ZBBX: variants seen among roughly 807,000 people sequenced by gnomAD.
ZBBX encodes the protein zinc finger B-box domain containing.
In ZBBX, 101 loss-of-function variants were observed where a neutral mutation model predicts 108.5. That is an observed-to-expected ratio of 0.93 (90% CI 0.79 to 1.10). The LOEUF is 1.10. Ranked by LOEUF, ZBBX falls within the 50% of genes least tolerant of loss-of-function variation. The pLI is 0.00. For missense variants in ZBBX, 1,009 were observed against 941.4 expected (o/e 1.07, Z -0.94); for synonymous variants, 356 against 323.4 (o/e 1.10, Z -1.08).
rs193219261 is a variant in ZBBX at position 167,355,613 on chromosome 3, A to G, written c.432+4257T>C. ...ATATACACATATGTGGCTTTCAAATATATATATTCACTCATTATCCAGTCA... is the reference window on the plus strand; with the variant it reads ...ATATACACATATGTGGCTTTCAAATGTATATATTCACTCATTATCCAGTCA... On this transcript the variant is annotated intron_variant, in intron 8 of 21. Coordinates refer to ENST00000675490, the MANE Select transcript of ZBBX (RefSeq NM_001199201.2). 4.1e-3 allele frequency among the ~76,000 whole-genome samples: 626 copies of G among 151,928 alleles called. 3 individuals carry two copies. Among genetic ancestry groups the G allele is most frequent in the Non-Finnish European group, 6.2e-3 (418 of 67,846 alleles).
At chr3:167,315,863 T>C in intron 14 of ZBBX, 34 bp from the exon 15 acceptor site, 2 of 1,373,130 alleles carry the variant, frequency 1.5e-6, no homozygotes, top group Non-Finnish European at 2.0e-6. Flanking sequence ...TATTAGTAAG[T>C]TCATAAAAAT....
intron 19 of ZBBX, among the ~76,000 whole-genome samples, chr3:167,282,846 CAT>C: frequency 6.6e-6 from 1 of 152,250 alleles, no homozygotes; most frequent in East Asian, 1.9e-4. Flanking sequence ...AGCACCACGA[CAT>C]GTGTCTTAAA....
In ZBBX at chr3:167,323,241, G is replaced by C. The variant is rs867953936; in HGVS notation, c.863-1004C>G. The stretch of plus-strand genomic sequence containing the variant: ...TTCTTGACAGGAGAGCTAAAAGAGG[G>C]GGGGGGGGGAAAGAACTCTTTTGTT... On this transcript the variant is annotated intron_variant, in intron 11 of 21. Transcript: ENST00000675490. 3.2e-3 allele frequency among the ~76,000 whole-genome samples: 440 copies of C among 139,330 alleles called. 5 individuals carry two copies. Among genetic ancestry groups the C allele is most frequent in the African/African-American group, 0.012 (397 of 34,356 alleles). The allele number at this position is 139,330 out of a possible 152,430, so 91.4% of individuals were successfully genotyped here.
chr3:167,311,982 T>C (rs957228448), intron 16 of ZBBX, among the ~76,000 whole-genome samples: 2 of 152,198 alleles, frequency 1.3e-5, no homozygotes, highest in Non-Finnish European at 2.9e-5. Context: ...AACCCATACA[T>C]GAATATTTAT....
intron 8 of ZBBX, among the ~76,000 whole-genome samples, chr3:167,352,576 C>T (rs949143230): frequency 1.3e-5 from 2 of 151,864 alleles, no homozygotes; most frequent in Non-Finnish European, 2.9e-5. Flanking sequence ...ATACCAATAC[C>T]ACTGAAACTA....
In ZBBX at chr3:167,288,906, C is replaced by T; in HGVS notation, c.1957G>A (p.Ala653Thr). ...NAIVLGVLQG[A>T]QSPSSSRKQQ... ...TTTCTACTTGATGATGGACTCTGAG[C>T]ACCCTGCAGAACACCCAAGACAATT... Residue 653 changes from alanine (A) to threonine (T), a missense_variant, in exon 19 of 22, where the codon GCT becomes ACT. Physicochemically the swap from Ala to Thr is moderately conservative, Grantham distance 58. Transcript: ENST00000675490. 6.5e-7 allele frequency: 1 copy of T among 1,540,768 alleles called. No homozygotes were observed. The highest frequency in any genetic ancestry group is 8.8e-7 in the Non-Finnish European group (1 of 1,140,362).
intron 20 of ZBBX, among the ~76,000 whole-genome samples, chr3:167,267,145 G>C (rs188232936): frequency 6.6e-6 from 1 of 152,192 alleles, no homozygotes; most frequent in Non-Finnish European, 1.5e-5. Flanking sequence ...TCCAATCTGC[G>C]GTTCCACGGT....
chr3:167,284,289 T>C (rs1234762679), intron 19 of ZBBX, among the ~76,000 whole-genome samples: 5 of 151,882 alleles, frequency 3.3e-5, no homozygotes, highest in African/African-American at 1.2e-4. Context: ...ACCATATTTA[T>C]AGCAATCAAG....
At chr3:167,295,835 A>T (rs1464771120) in intron 18 of ZBBX, among the ~76,000 whole-genome samples, 1 of 147,226 alleles carries the variant, frequency 6.8e-6, no homozygotes, top group South Asian at 2.2e-4. Context: ...TAATTGCATT[A>T]GTGGTGAGTT....
intron 20 of ZBBX, chr3:167,248,583 C>G (rs1297036981): frequency 6.6e-6 from 3 of 456,158 alleles, no homozygotes; most frequent in African/African-American, 2.0e-5. Context: ...ACACTCTAAA[C>G]AGATATAAAC....
At chr3:167,208,897 C>T in the ZBBX span, among the ~76,000 whole-genome samples, 7 of 152,118 alleles carry the variant, frequency 4.6e-5, no homozygotes, top group East Asian at 1.9e-4. Flanking sequence ...TCTTGGACAA[C>T]GTTTCTGGAC....
At chr3:167,270,840 C>T (rs1400354429) in intron 20 of ZBBX, among the ~76,000 whole-genome samples, 9 of 152,196 alleles carry the variant, frequency 5.9e-5, no homozygotes. Context: ...TGATAATTCA[C>T]TCAACCCAGC....
chr3:167,405,735 G>C (rs909529869), intron 1 of ZBBX, among the ~76,000 whole-genome samples: 2 of 152,188 alleles, frequency 1.3e-5, no homozygotes, highest in Non-Finnish European at 2.9e-5. Flanking sequence ...AAAGCCTATT[G>C]CTTGAGTTGT....
intron 18 of ZBBX, among the ~76,000 whole-genome samples, chr3:167,292,704 G>A (rs1458965441): frequency 6.6e-6 from 1 of 152,098 alleles, no homozygotes; most frequent in Non-Finnish European, 1.5e-5. Context: ...TAAGATCAGA[G>A]CAGAACTGAA....
the ZBBX span, among the ~76,000 whole-genome samples, chr3:167,191,997 T>C: frequency 0.26 from 36,778 of 144,128 alleles, 4,961 homozygotes; most frequent in African/African-American, 0.28. Flanking sequence ...CTCTTCATTT[T>C]ATCTCAATCT....
upstream of ZBBX, among the ~76,000 whole-genome samples, chr3:167,381,082 G>A (rs147587453): frequency 1.1e-4 from 17 of 151,716 alleles, no homozygotes; most frequent in East Asian, 3.1e-3. Context: ...CATCTGTCTC[G>A]GTACCAGACT....
the ZBBX span, among the ~76,000 whole-genome samples, chr3:167,231,070 T>C: frequency 6.6e-6 from 1 of 151,792 alleles, no homozygotes; most frequent in Non-Finnish European, 1.5e-5. Context: ...TAAATAGTGT[T>C]GTCAATTATA....
chr3:167,185,116 A>C, the ZBBX span, among the ~76,000 whole-genome samples: 1 of 152,220 alleles, frequency 6.6e-6, no homozygotes, highest in Non-Finnish European at 1.5e-5. Flanking sequence ...AACTGGAGCA[A>C]ACCTAAACGT....
chr3:167,348,996 C>T (rs1560164949), intron 9 of ZBBX, among the ~76,000 whole-genome samples: 2 of 151,872 alleles, frequency 1.3e-5, no homozygotes, highest in African/African-American at 2.4e-5. Flanking sequence ...AGCCATATCA[C>T]AGCAAAGTCT....
Sources: allele counts gnomAD v4.1 joint callset (sites outside exome capture counted in the v4.1 genomes callset), GRCh38; gene constraint gnomAD v4.1.1; transcripts MANE v1.5; gene names NCBI Gene and HGNC (gene_info 2026-07-23, HGNC 2026-07-21).